TMTC2: variants seen among roughly 807,000 people sequenced by gnomAD.
The protein encoded by TMTC2 is transmembrane O-mannosyltransferase targeting cadherins 2.
Under a neutral mutation model 82.4 loss-of-function variants are expected in TMTC2, and 43 were observed. The ratio of observed to expected loss-of-function variants is 0.52; its 90% confidence interval spans 0.41 to 0.67. TMTC2 has a LOEUF of 0.67. TMTC2 is among the 30% of genes least tolerant of loss of function. The pLI, the probability that TMTC2 is intolerant of heterozygous loss-of-function variation, is 0.00. For missense variants in TMTC2, 919 were observed against 1,012.4 expected (o/e 0.91, Z 1.25); for synonymous variants, 408 against 381.9 (o/e 1.07, Z -0.80).
intron 1 of TMTC2, among the ~76,000 whole-genome samples, chr12:82,836,188 A>G (rs1870031427): frequency 6.6e-6 from 1 of 152,136 alleles, no homozygotes; most frequent in African/African-American, 2.4e-5. Flanking sequence ...GATTTTGATA[A>G]CCCTTTTAAT....
chr12:82,716,383 A>C (rs1394835550), intron 1 of TMTC2, among the ~76,000 whole-genome samples: 1 of 112,422 alleles, frequency 8.9e-6, no homozygotes, highest in African/African-American at 3.6e-5. Flanking sequence ...TTTTTTTTTG[A>C]GACGGAGTCT....
intron 1 of TMTC2, among the ~76,000 whole-genome samples, chr12:82,738,512 C>G (rs1017501898): frequency 6.6e-6 from 1 of 152,074 alleles, no homozygotes; most frequent in Non-Finnish European, 1.5e-5. Flanking sequence ...CTTAAAGAGA[C>G]ACAAATAAGG....
chr12:82,911,364 C>CT (rs1403194564), intron 3 of TMTC2, among the ~76,000 whole-genome samples: 2 of 150,248 alleles, frequency 1.3e-5, no homozygotes, highest in Admixed American at 1.3e-4. Context: ...CCTCCAGCCT[C>CT]TGTGTCATTT....
rs113171755 is a variant in TMTC2, at chr12:82,929,674, G to A, written c.1484-757G>A. The stretch of plus-strand genomic sequence containing the variant: ...TCAGGACTCAATACCCCATCTCCTT[G>A]TAGGAAGTAAGAAGGCAAGAAAAGA... On this transcript the variant is annotated intron_variant, in intron 3 of 11. Transcript: ENST00000321196. 3.6e-3 allele frequency among the ~76,000 whole-genome samples: 549 copies of A among 152,180 alleles called. 3 individuals carry two copies. The highest frequency in any genetic ancestry group is 5.2e-3 in the Non-Finnish European group (357 of 68,014).
chr12:82,710,282 G>A (rs147529325), intron 1 of TMTC2, among the ~76,000 whole-genome samples: 2 of 152,326 alleles, frequency 1.3e-5, no homozygotes, highest in African/African-American at 4.8e-5. Context: ...CTTGTTGGCT[G>A]TGCTCTAATC....
chr12:83,111,259 C>T (rs775421375), intron 11 of TMTC2, among the ~76,000 whole-genome samples: 2 of 152,192 alleles, frequency 1.3e-5, no homozygotes, highest in Admixed American at 1.3e-4. Flanking sequence ...TAGATCTTCC[C>T]ATTTAATGTT....
chr12:82,913,624 A>T (rs1468498395), intron 3 of TMTC2, among the ~76,000 whole-genome samples: 1 of 152,196 alleles, frequency 6.6e-6, no homozygotes, highest in Non-Finnish European at 1.5e-5. Context: ...TGGTTTTGAC[A>T]TATTTCCTGA....
intron 1 of TMTC2, among the ~76,000 whole-genome samples, chr12:82,773,215 T>C (rs955764466): frequency 2.0e-5 from 3 of 152,220 alleles, no homozygotes; most frequent in Non-Finnish European, 4.4e-5. Flanking sequence ...CTACAGCTTC[T>C]ATGTCTTTTT....
chr12:82,999,706 C>T (rs192070891), intron 8 of TMTC2, among the ~76,000 whole-genome samples: 6 of 152,270 alleles, frequency 3.9e-5, no homozygotes, highest in East Asian at 1.9e-4. Flanking sequence ...CCCACCATCA[C>T]GAGAACAGCA....
chr12:83,075,717 T>C (rs1883264945), intron 11 of TMTC2, among the ~76,000 whole-genome samples: 1 of 152,206 alleles, frequency 6.6e-6, no homozygotes, highest in Non-Finnish European at 1.5e-5. Flanking sequence ...AGATGTTCAT[T>C]TCCCTGACAG....
intron 1 of TMTC2, among the ~76,000 whole-genome samples, chr12:82,836,631 G>A (rs1261329398): frequency 6.6e-6 from 1 of 152,076 alleles, no homozygotes; most frequent in African/African-American, 2.4e-5. Context: ...AACCCATTTT[G>A]GACTTATGAC....
intron 8 of TMTC2, 120 bp from the exon 9 acceptor site, chr12:83,030,678 T>G: frequency 1.4e-6 from 1 of 714,622 alleles, no homozygotes; most frequent in Non-Finnish European, 2.3e-6. Context: ...AAACAAAAAT[T>G]TTTTTTTTCC....
intron 8 of TMTC2, among the ~76,000 whole-genome samples, chr12:83,030,364 A>G (rs1565860715): frequency 6.6e-6 from 1 of 152,154 alleles, no homozygotes; most frequent in Non-Finnish European, 1.5e-5. Flanking sequence ...GTATTTTGAG[A>G]TGCCTGTCAT....
At chr12:82,911,624 A>T (rs927067968) in intron 3 of TMTC2, among the ~76,000 whole-genome samples, 1 of 151,448 alleles carries the variant, frequency 6.6e-6, no homozygotes, top group African/African-American at 2.4e-5. Flanking sequence ...TTTTTTTGAG[A>T]TGGCGTCTTG....
At chr12:82,728,905 C>T (rs904546140) in intron 1 of TMTC2, among the ~76,000 whole-genome samples, 6 of 152,234 alleles carry the variant, frequency 3.9e-5, no homozygotes, top group Non-Finnish European at 8.8e-5. Flanking sequence ...AGGAGCTTAG[C>T]ACCTGGGCCA....
At chr12:82,741,323 T>A (rs1378777229) in intron 1 of TMTC2, among the ~76,000 whole-genome samples, 3 of 152,136 alleles carry the variant, frequency 2.0e-5, no homozygotes, top group African/African-American at 7.2e-5. Flanking sequence ...GCTTTTTAGC[T>A]TTTTTTAGAC....
At chr12:82,980,974 G>T (rs918915266) in intron 7 of TMTC2, among the ~76,000 whole-genome samples, 2 of 151,836 alleles carry the variant, frequency 1.3e-5, no homozygotes, top group Non-Finnish European at 3.0e-5. Context: ...AAACTTTGGG[G>T]AACACTGATA....
intron 1 of TMTC2, among the ~76,000 whole-genome samples, chr12:82,766,696 C>T (rs1210059225): frequency 6.6e-6 from 1 of 152,188 alleles, no homozygotes; most frequent in Non-Finnish European, 1.5e-5. Context: ...ATGTCAGTCT[C>T]CTTGAATAAA....
chr12:82,861,631 C>T (rs538858692), intron 2 of TMTC2, among the ~76,000 whole-genome samples: 10 of 152,218 alleles, frequency 6.6e-5, no homozygotes, highest in South Asian at 4.1e-4. Flanking sequence ...AAGCACTATT[C>T]TTAGTGTGCT....
Sources: allele counts gnomAD v4.1 joint callset (sites outside exome capture counted in the v4.1 genomes callset), GRCh38; gene constraint gnomAD v4.1.1; transcripts MANE v1.5; gene names NCBI Gene and HGNC (gene_info 2026-07-23, HGNC 2026-07-21).